Variants in SRM observed in about 807,000 individuals in gnomAD.
SRM encodes the protein putrescine aminopropyltransferase.
SRM carries 14 observed loss-of-function variants against 39.3 expected under a neutral mutation model. The observed-to-expected ratio is 0.36, with a 90% CI of 0.24 to 0.56. SRM has a LOEUF of 0.56. Among genes scored for constraint, SRM ranks in the 20% least tolerant of loss-of-function variants. The pLI, the probability that SRM is intolerant of heterozygous loss-of-function variation, is 0.86. For synonymous variants in SRM, 195 were observed against 173.1 expected, an observed-to-expected ratio of 1.13 and a Z score of -0.99; for missense variants, 244 against 409.2, an observed-to-expected ratio of 0.60 and a Z score of 3.48.
In SRM at chr1:11,054,941, C is replaced by T; in HGVS notation, c.888+21G>A. 2 of 1,611,886 alleles carry T rather than the reference C, an allele frequency of 1.2e-6. No individual in the cohort carries two copies. The highest frequency in any genetic ancestry group is 1.7e-6 in the Non-Finnish European group (2 of 1,179,832). On this transcript the variant is annotated intron_variant, in intron 7 of 7. Transcript: ENST00000376957. This position sits in a 1 kb window ranked among gnomAD's most constrained non-coding sequence, Gnocchi z 4.8. ...GCTCTGGGTCCCTGGGTCCCACCAC[C>T]CAGCCCCGCAGGCCACCCACCTTGC...
intron 4 of SRM, 74 bp downstream of exon 4, chr1:11,056,530 C>T: frequency 1.3e-6 from 2 of 1,584,460 alleles, no homozygotes; most frequent in Non-Finnish European, 8.6e-7. Context: ...CTATCCTTTA[C>T]TCTGAAGGCC....
chr1:11,058,836 G>A lies in SRM; in HGVS notation c.345C>T (p.Pro115=), dbSNP rs1638925646. ...CACACTGGACCACGGACTCCACGGA[G>A]GGGTGCTTCACCACCTCCCGCAGGA... ...GGVLREVVKH[P]SVESVVQCEI... Residue 115 remains proline, a synonymous_variant, in exon 3 of 8, where the codon CCC becomes CCT. Transcript: ENST00000376957. The A allele has an allele frequency of 6.8e-6, 11 of 1,611,962 alleles. No individual in the cohort carries two copies. The highest frequency in any genetic ancestry group is 1.1e-5 in the South Asian group (1 of 90,684).
intron 2 of SRM, 41 bp downstream of exon 2, chr1:11,059,184 C>T (rs924577574): frequency 6.2e-7 from 1 of 1,612,046 alleles, no homozygotes; most frequent in Non-Finnish European, 8.5e-7. Context: ...ACACCTGGGG[C>T]CGCCCCTCGT....
rs773716281 is a variant in SRM at position 11,059,354 on chromosome 1, G to A, written c.168-9C>T. 1.2e-6 allele frequency: 2 copies of A among 1,612,602 alleles called. No homozygotes were observed. Among genetic ancestry groups the A allele is most frequent in the African/African-American group, 2.7e-5 (2 of 75,034 alleles). On this transcript the variant is annotated splice_polypyrimidine_tract_variant and intron_variant, in intron 1 of 7. Coordinates refer to ENST00000376957, the MANE Select transcript of SRM (RefSeq NM_003132.3). Reference sequence around the variant, plus strand: ...CGTTGCCATAGGTCTTACTGCGGGCGGAGTGACAGTCGGGGACCTGGGTTC... The same window carrying A: ...CGTTGCCATAGGTCTTACTGCGGGCAGAGTGACAGTCGGGGACCTGGGTTC...
rs1438586140 is a variant in SRM, at chr1:11,055,925, G to C, written c.621C>G (p.Gly207=). 1.3e-5 allele frequency: 20 copies of C among 1,598,798 alleles called. No homozygotes were observed. In the South Asian group the frequency reaches 2.1e-4, roughly 17 times the overall value. Residue 207 remains glycine (G), a splice_region_variant and synonymous_variant, in exon 6 of 8, where the codon GGC becomes GGG. Coordinates refer to ENST00000376957, the MANE Select transcript of SRM (RefSeq NM_003132.3). ...LKEDGVLCCQ[G]ECQWLHLDLI... ...GGTCCAGGTGCAGCCACTGGCACTC[G>C]CCTGGGGGCCCCTAAGCATCAGCAT...
At chr1:11,058,564 A>C (rs1438555078) in intron 3 of SRM, 2 of 248,608 alleles carry the variant, frequency 8.0e-6, no homozygotes, top group South Asian at 2.4e-4. Flanking sequence ...TCTGTCTCAA[A>C]AAAAAAAAAA....
chr1:11,055,752 ACCCCC>A, intron 6 of SRM, 24 bp downstream of exon 6: 3 of 1,466,024 alleles, frequency 2.0e-6, no homozygotes, highest in Non-Finnish European at 2.8e-6. Context: ...CTTCCCCCCA[ACCCCC>A]ACCCCCAGAC....
At chr1:11,055,560 G>T (rs1191141639) in intron 6 of SRM, among the ~76,000 whole-genome samples, 1 of 152,120 alleles carries the variant, frequency 6.6e-6, no homozygotes, top group Admixed American at 6.5e-5. Context: ...GACTACAGGC[G>T]CGCGCTGCCA....
chr1:11,059,389 G>A (rs1638936611), intron 1 of SRM, 44 bp from the exon 2 acceptor site: 1 of 1,605,818 alleles, frequency 6.2e-7, no homozygotes, highest in Non-Finnish European at 8.5e-7. Flanking sequence ...CTCTGGGGTG[G>A]GGAAAACGTA....
intron 3 of SRM, among the ~76,000 whole-genome samples, 167 bp from the exon 4 acceptor site, chr1:11,056,924 C>T (rs1218366617): frequency 6.6e-6 from 1 of 152,124 alleles, no homozygotes; most frequent in African/African-American, 2.4e-5. Flanking sequence ...GTGGCCCAGG[C>T]TGGAGTGCAG....
intron 6 of SRM, 28 bp from the exon 7 acceptor site, chr1:11,055,112 G>A (rs191275910): frequency 5.8e-6 from 9 of 1,556,108 alleles, no homozygotes; most frequent in East Asian, 2.3e-5. Flanking sequence ...GGCACATCAG[G>A]GGGGGCACTT....
intron 1 of SRM, 183 bp downstream of exon 1, chr1:11,059,594 C>A: frequency 1.1e-6 from 1 of 928,654 alleles, no homozygotes; most frequent in South Asian, 1.7e-5. Flanking sequence ...CCGACTCCCC[C>A]ACCCAAGAGG....
At chr1:11,055,120 C>CT (rs376653450) in intron 6 of SRM, 36 bp from the exon 7 acceptor site, 216,974 of 1,279,770 alleles carry the variant, frequency 0.17, 2 homozygotes, top group Non-Finnish European at 0.19. Flanking sequence ...AGGGGGGGCA[C>CT]TTTTTTTTTT....
rs55958066 is a variant in SRM, at chr1:11,058,561, CAAAAAAAA to C, written c.381+231_381+238del. The C allele has an allele frequency of 9.8e-5, 18 of 183,396 alleles. No homozygotes were observed. The South Asian group carries it at 2.0e-3, about 20-fold the overall frequency. 11.4% of individuals were successfully genotyped at this position (183,396 alleles called of 1,614,324 possible). ...GGGCAACAAGAGCGAAACTCTGTCT[CAAAAAAAA>C]AAAAAAAAAAAAAATCAGCTCAGTT... On this transcript the variant is annotated intron_variant, in intron 3 of 7. Coordinates refer to ENST00000376957, the MANE Select transcript of SRM (RefSeq NM_003132.3).
intron 6 of SRM, 158 bp from the exon 7 acceptor site, chr1:11,055,242 G>T: frequency 8.9e-7 from 1 of 1,128,818 alleles, no homozygotes; most frequent in Non-Finnish European, 1.2e-6. Flanking sequence ...CTCAGCCTCA[G>T]GTACGCGCCA....
At chr1:11,058,974 C>T (rs1638928207) in intron 2 of SRM, 82 bp from the exon 3 acceptor site, 3 of 1,361,850 alleles carry the variant, frequency 2.2e-6, no homozygotes, top group Admixed American at 5.2e-5. Context: ...CCTGACCCCT[C>T]GGACCCACGG....
rs765892105 is a variant in SRM, at chr1:11,059,751, C to T, written c.167+26G>A. On this transcript the variant is annotated intron_variant, in intron 1 of 7. Transcript: ENST00000376957. ...GGCGGCCCGGGCTGAGCCTAGGGGG[C>T]AGGCGCCTGCGGGCAGCGGCGGTAC... 4.5e-6 allele frequency: 7 copies of T among 1,570,002 alleles called. No homozygotes were observed. In the Admixed American group the frequency reaches 8.7e-5, roughly 20 times the overall value.
rs574594202 is a variant in SRM, at chr1:11,056,241, C to T, written c.536-147G>A. ...ACCTGAATCCCATTCTTGGGGGAGT[C>T]TCATTGGCACCACAGCAGAGGAACC... On this transcript the variant is annotated intron_variant, in intron 4 of 7. Coordinates refer to ENST00000376957, the MANE Select transcript of SRM (RefSeq NM_003132.3). 8 of 787,746 alleles carry T rather than the reference C, an allele frequency of 1.0e-5. No individual in the cohort carries two copies. In the African/African-American group the frequency reaches 1.4e-4, roughly 14 times the overall value. The allele number at this position is 787,746 out of a possible 1,614,324, so 48.8% of individuals were successfully genotyped here.
At chr1:11,055,744 T>TGCCC in intron 6 of SRM, 37 bp downstream of exon 6, 12 of 1,336,786 alleles carry the variant, frequency 9.0e-6, no homozygotes, top group South Asian at 1.3e-5. Context: ...ATGCCCACCT[T>TGCCC]CCCCCCAACC....
Sources: gnomAD v4.1 joint callset for allele counts (sites outside exome capture counted in the v4.1 genomes callset) on GRCh38, gnomAD v4.1.1 for gene constraint, Gnocchi (gnomAD v3.1) non-coding constraint, MANE v1.5 for transcripts, NCBI Gene and HGNC (gene_info 2026-07-23, HGNC 2026-07-21) for gene names.